TG: variants seen among roughly 807,000 people sequenced by gnomAD.
TG encodes thyroglobulin, also known as thyroid hormones.
A neutral mutation model predicts 324.7 loss-of-function variants in TG; 270 were observed. That is an observed-to-expected ratio of 0.83 (90% CI 0.75 to 0.92). The LOEUF is 0.92. TG is among the 40% of genes least tolerant of loss of function. TG has a pLI of 0.00. For missense variants in TG, 3,591 were observed against 3,456.4 expected (o/e 1.04, Z -0.98); for synonymous variants, 1,401 against 1,327.0 (o/e 1.06, Z -1.21).
At position 133,128,141 on chromosome 8, in the gene TG, C is replaced by T. The variant is rs566359462; in HGVS notation, c.7863-3671C>T. ...TTATTTTTGAAAAGCAGTGGTTGAT[C>T]GCACTTTCTTGTTAGAACGTGAGCT... On this transcript the variant is annotated intron_variant, in intron 45 of 47. Coordinates refer to ENST00000220616, the MANE Select transcript of TG (RefSeq NM_003235.5). Among the ~76,000 whole-genome samples, 21 of 152,236 alleles carry T rather than the reference C, an allele frequency of 1.4e-4. 1 individual carries two copies. The South Asian group carries it at 1.9e-3, about 14-fold the overall frequency.
rs57854204 is a variant in TG at position 133,131,669 on chromosome 8, G to A, written c.7863-143G>A. ...GGCCAAGCCAAATCTCCATTCAACT[G>A]GGCCCTAAACAGGATACTTGGATAT... On this transcript the variant is annotated intron_variant, in intron 45 of 47. Coordinates refer to ENST00000220616, the MANE Select transcript of TG (RefSeq NM_003235.5). 1.7e-3 allele frequency: 2,003 copies of A among 1,210,030 alleles called. 27 individuals are homozygous for A. The African/African-American group carries it at 0.026, about 16-fold the overall frequency. 75.0% of individuals were successfully genotyped at this position (1,210,030 alleles called of 1,614,324 possible).
In TG at chr8:132,966,616, A is replaced by T. The variant is rs1828603562; in HGVS notation, c.5605A>T (p.Asn1869Tyr). 1.2e-6 allele frequency: 2 copies of T among 1,614,088 alleles called. No individual in the cohort carries two copies. The highest frequency in any genetic ancestry group is 1.7e-6 in the Non-Finnish European group (2 of 1,180,004). Residue 1869 changes from asparagine to tyrosine, a missense_variant, in exon 30 of 48, where the codon AAT (asparagine) becomes TAT (tyrosine). Physicochemically the swap from Asn to Tyr is moderately radical, Grantham distance 143. Coordinates refer to ENST00000220616, the MANE Select transcript of TG (RefSeq NM_003235.5). ...CCTCAACCAGGTCATTGTCAATGGA[A>T]ATCAATCACTATCCAGCCAGAAGCA... ...VDLNQVIVNG[N>Y]QSLSSQKHWL...
In TG at chr8:132,919,505, G is replaced by A. The variant is rs760782651; in HGVS notation, c.4508G>A (p.Gly1503Glu). 6.2e-7 allele frequency: 1 copy of A among 1,613,924 alleles called. No homozygotes were observed. Among genetic ancestry groups the A allele is most frequent in the Non-Finnish European group, 8.5e-7 (1 of 1,179,892 alleles). ...CPVGRTTISA[G>E]AFSQTHCVTD... is the part of the protein sequence containing the mutation. ...GTGGGCAGAACGACCATTTCTGCTG[G>A]AGCTTTCAGCCAGACTCACTGTAAG... is the stretch of plus-strand genomic sequence containing the variant. The change falls in exon 21 of 48, where the codon GGA becomes GAA. Residue 1503 changes from glycine to glutamate, a missense_variant. Gly to Glu is a moderately conservative substitution (Grantham distance 98). Transcript: ENST00000220616.
chr8:132,890,335 A>G (rs2132191813), intron 10 of TG, among the ~76,000 whole-genome samples: 1 of 152,280 alleles, frequency 6.6e-6, no homozygotes, highest in Non-Finnish European at 1.5e-5. Context: ...TGCCTTATAA[A>G]GAAATACCCA....
At position 133,029,907 on chromosome 8, in the gene TG, G is replaced by C; in HGVS notation, c.7123G>C (p.Gly2375Arg). 1 of 1,614,200 alleles carries C rather than the reference G, an allele frequency of 6.2e-7. No individual in the cohort carries two copies. The highest frequency in any genetic ancestry group is 8.5e-7 in the Non-Finnish European group (1 of 1,180,042). ...GCAGACCCACATCCGAGGATTTGGC[G>C]GGGACCCTCGGCGCGTGTCCCTGGC... ...WVQTHIRGFG[G>R]DPRRVSLAAD... is the part of the protein sequence containing the mutation. The change falls in exon 41 of 48, where the codon GGG becomes CGG. Residue 2375 changes from glycine to arginine, a missense_variant. Transcript: ENST00000220616.
chr8:132,966,488 T>G (rs1587611141), intron 29 of TG, 72 bp from the exon 30 acceptor site: 132 of 1,294,844 alleles, frequency 1.0e-4, no homozygotes, highest in Non-Finnish European at 1.3e-4. Context: ...GTGTGTGTGT[T>G]TCTTTCTTGT....
At chr8:133,090,431 C>G (rs1363718471) in intron 41 of TG, among the ~76,000 whole-genome samples, 1 of 152,090 alleles carries the variant, frequency 6.6e-6, no homozygotes, top group Non-Finnish European at 1.5e-5. Flanking sequence ...AGAGAGTGAG[C>G]AAAAAAGCAC....
Position 133,095,349 on chromosome 8 carries a change from C to G in TG, c.7404+141C>G, listed in dbSNP as rs1023861129. 5 of 1,159,684 alleles carry G rather than the reference C, an allele frequency of 4.3e-6. 1 individual carries two copies. In the Admixed American group the frequency reaches 9.4e-5, roughly 22 times the overall value. The allele number at this position is 1,159,684 out of a possible 1,614,324, so 71.8% of individuals were successfully genotyped here. ...ACCAACTGGAGCTGGAACTCACATT[C>G]CCTAGCCCCTAGAGCTGTGCATGCG... is the stretch of plus-strand genomic sequence containing the variant. On this transcript the variant is annotated intron_variant, in intron 42 of 47. Transcript: ENST00000220616.
At chr8:132,982,496 G>T (rs769252634) in intron 34 of TG, among the ~76,000 whole-genome samples, 1 of 152,166 alleles carries the variant, frequency 6.6e-6, no homozygotes, top group Non-Finnish European at 1.5e-5. Context: ...CATCATCTTC[G>T]TTTTATCAAT....
intron 41 of TG, among the ~76,000 whole-genome samples, chr8:133,038,974 C>T (rs544043223): frequency 1.1e-4 from 16 of 152,262 alleles, no homozygotes; most frequent in East Asian, 1.9e-4. Flanking sequence ...GCCTCCCAGG[C>T]TCAAGCGATT....
At position 133,027,946 on chromosome 8, in the gene TG, G is replaced by A. The variant is rs373852981; in HGVS notation, c.7037-1875G>A. On this transcript the variant is annotated intron_variant, in intron 40 of 47. Coordinates refer to ENST00000220616, the MANE Select transcript of TG (RefSeq NM_003235.5). ...CTGAGGTTGTGTGTCCCTAGGACTA[G>A]GTAGGATCTCTCTTGCTTTCTGCCT... Among the ~76,000 whole-genome samples, 6 of 152,336 alleles carry A rather than the reference G, an allele frequency of 3.9e-5. No individual in the cohort carries two copies. The South Asian group carries it at 1.2e-3, about 32-fold the overall frequency.
At chr8:132,979,070 T>A (rs1830513294) in intron 34 of TG, among the ~76,000 whole-genome samples, 1 of 152,180 alleles carries the variant, frequency 6.6e-6, no homozygotes. Flanking sequence ...TTGCAGCCCC[T>A]TCCTGGCAGT....
At chr8:132,975,462 A>G (rs1304842769) in intron 34 of TG, among the ~76,000 whole-genome samples, 4 of 152,210 alleles carry the variant, frequency 2.6e-5, no homozygotes, top group African/African-American at 9.6e-5. Flanking sequence ...TGCATAGATC[A>G]TTAACTTTTT....
chr8:132,906,055 C>A (rs1818630340), intron 16 of TG, among the ~76,000 whole-genome samples: 1 of 152,154 alleles, frequency 6.6e-6, no homozygotes, highest in African/African-American at 2.4e-5. Context: ...TCTCTGCCAG[C>A]AGTGGGGACT....
rs528778595 is a variant in TG, at chr8:132,887,404, G to T, written c.2032G>T (p.Ala678Ser). 2.5e-6 allele frequency: 4 copies of T among 1,614,148 alleles called. No individual in the cohort carries two copies. The South Asian group carries it at 4.4e-5, about 18-fold the overall frequency. ...RMQSLMGSQP[A>S]GSTLFVPACT... The stretch of plus-strand genomic sequence containing the variant: ...GCAAAGCCTCATGGGCAGCCAGCCT[G>T]CTGGCTCCACCTTGTTTGTCCCTGC... The change falls in exon 9 of 48, where the codon GCT becomes TCT. Residue 678 changes from alanine (A) to serine (S), a missense_variant. Transcript: ENST00000220616.
intron 41 of TG, among the ~76,000 whole-genome samples, chr8:133,055,836 G>A (rs1841342537): frequency 8.6e-5 from 1 of 11,568 alleles, no homozygotes; most frequent in Non-Finnish European, 2.1e-4. Context: ...AGCAGCAGCA[G>A]CAGCAGCAGC....
chr8:132,972,486 T>A (rs1396607559), intron 33 of TG, 112 bp from the exon 34 acceptor site: 2 of 1,263,506 alleles, frequency 1.6e-6, no homozygotes, highest in East Asian at 4.7e-5. Flanking sequence ...TAGTGGTGTA[T>A]CCCAAATGTC....
At chr8:132,895,494 G>T (rs994254473) in intron 11 of TG, among the ~76,000 whole-genome samples, 1 of 152,234 alleles carries the variant, frequency 6.6e-6, no homozygotes, top group African/African-American at 2.4e-5. Flanking sequence ...GGAGAACAAG[G>T]CACTGTGTCT....
At chr8:132,926,704 C>T (rs1309164823) in intron 22 of TG, among the ~76,000 whole-genome samples, 1 of 152,212 alleles carries the variant, frequency 6.6e-6, no homozygotes, top group East Asian at 1.9e-4. Flanking sequence ...GACAGAGGGA[C>T]TTAGCACTTA....
Sources: allele counts gnomAD v4.1 joint callset (sites outside exome capture counted in the v4.1 genomes callset), GRCh38; gene constraint gnomAD v4.1.1; transcripts MANE v1.5; gene names NCBI Gene and HGNC (gene_info 2026-07-23, HGNC 2026-07-21).